The following CCBE1 variants were observed in gnomAD, a reference collection of about 807,000 sequenced individuals.
CCBE1 encodes the protein collagen and calcium-binding EGF domain-containing protein 1.
Under a neutral mutation model 50.0 loss-of-function variants are expected in CCBE1, and 37 were observed. The observed-to-expected ratio is 0.74, with a 90% CI of 0.57 to 0.97. CCBE1 has a LOEUF of 0.97. CCBE1 is among the 50% of genes least tolerant of loss of function. CCBE1 has a pLI of 0.00. For missense variants in CCBE1, 538 were observed against 523.8 expected (o/e 1.03, Z -0.26); for synonymous variants, 234 against 203.7 (o/e 1.15, Z -1.27).
chr18:59,580,341 C>G (rs2564484), intron 2 of CCBE1, among the ~76,000 whole-genome samples: 16,142 of 152,188 alleles, frequency 0.11, 955 homozygotes, highest in African/African-American at 0.16. Flanking sequence ...TTTGAGTTGT[C>G]CTGCCTTTTC....
At chr18:59,637,676 C>T (rs1360595537) in intron 2 of CCBE1, among the ~76,000 whole-genome samples, 1 of 152,118 alleles carries the variant, frequency 6.6e-6, no homozygotes. Flanking sequence ...TCAGATGCAA[C>T]TGATTTAAAA....
intron 3 of CCBE1, among the ~76,000 whole-genome samples, chr18:59,473,783 C>CCT (rs1912165301): frequency 3.3e-4 from 1 of 3,064 alleles, no homozygotes. Context: ...CTATTTCCTC[C>CCT]CCACTACTCA....
intron 2 of CCBE1, among the ~76,000 whole-genome samples, chr18:59,650,436 C>T (rs1357510054): frequency 1.7e-4 from 25 of 151,460 alleles, no homozygotes; most frequent in Non-Finnish European, 1.5e-5. Flanking sequence ...CAGCTTTTCA[C>T]GATCCCATGG....
At chr18:59,519,500 T>C (rs1422210388) in intron 2 of CCBE1, among the ~76,000 whole-genome samples, 1 of 135,768 alleles carries the variant, frequency 7.4e-6, no homozygotes, top group Admixed American at 7.2e-5. Flanking sequence ...TCCAGAGTCT[T>C]TGTTTTAAAA....
At chr18:59,464,161 G>C (rs1240541186) in intron 5 of CCBE1, 1 of 152,264 alleles carries the variant, frequency 6.6e-6, no homozygotes, top group African/African-American at 2.4e-5. Flanking sequence ...GTCAGGGCAT[G>C]GTGGCTCATG....
chr18:59,672,715 TA>T (rs1477952868), intron 2 of CCBE1, among the ~76,000 whole-genome samples: 2 of 152,190 alleles, frequency 1.3e-5, no homozygotes, highest in Non-Finnish European at 2.9e-5. Flanking sequence ...AGCAAGAGAA[TA>T]ATTTTTTTAG....
At chr18:59,524,912 C>G (rs1321631868) in intron 2 of CCBE1, among the ~76,000 whole-genome samples, 2 of 152,178 alleles carry the variant, frequency 1.3e-5, no homozygotes, top group African/African-American at 4.8e-5. Context: ...CATGTCCCTG[C>G]AAACTACATG....
chr18:59,667,748 G>A lies in CCBE1; in HGVS notation c.212+28881C>T, dbSNP rs545745948. ...GTTCATTCCACAGAGTCAGCCTACA[G>A]AACTCAGGACACAAAGCAGGACAGG... is the stretch of plus-strand genomic sequence containing the variant. On this transcript the variant is annotated intron_variant, in intron 2 of 10. Transcript: ENST00000439986. 4.6e-5 allele frequency among the ~76,000 whole-genome samples: 7 copies of A among 152,324 alleles called. No homozygotes were observed. In the South Asian group the frequency reaches 1.5e-3, roughly 32 times the overall value.
At chr18:59,468,850 T>TC (rs199512598) in intron 4 of CCBE1, among the ~76,000 whole-genome samples, 27,484 of 138,906 alleles carry the variant, frequency 0.2, 2,905 homozygotes, top group South Asian at 0.27. Context: ...TTTTTTTTTT[T>TC]TCCCCAAACG....
In CCBE1 at chr18:59,435,633, T is replaced by C. The variant is rs1910114558; in HGVS notation, c.*275A>G. On this transcript the variant is annotated 3_prime_UTR_variant, in exon 11 of 11. Coordinates refer to ENST00000439986, the MANE Select transcript of CCBE1 (RefSeq NM_133459.4). ...CTTAAATCCAAAGTTCCTGGAAAAATAGGATGTAAAAGAAAAGTTACAATG... is the reference window on the plus strand; with the variant it reads ...CTTAAATCCAAAGTTCCTGGAAAAACAGGATGTAAAAGAAAAGTTACAATG... 4.1e-6 allele frequency: 2 copies of C among 485,342 alleles called. No homozygotes were observed. The highest frequency in any genetic ancestry group is 7.4e-6 in the Non-Finnish European group (2 of 268,786). 30.1% of individuals were successfully genotyped at this position (485,342 alleles called of 1,614,324 possible).
chr18:59,585,819 T>C (rs2053171405), intron 2 of CCBE1, among the ~76,000 whole-genome samples: 1 of 152,182 alleles, frequency 6.6e-6, no homozygotes, highest in African/African-American at 2.4e-5. Context: ...CATTTAAAAA[T>C]TGTCACTTAG....
intron 2 of CCBE1, among the ~76,000 whole-genome samples, chr18:59,686,664 T>A (rs1411636145): frequency 6.6e-6 from 1 of 152,240 alleles, no homozygotes; most frequent in East Asian, 1.9e-4. Context: ...ATATCCATTT[T>A]GGATTCAAAG....
intron 2 of CCBE1, among the ~76,000 whole-genome samples, chr18:59,676,760 T>C (rs1055450654): frequency 6.6e-6 from 1 of 152,066 alleles, no homozygotes; most frequent in African/African-American, 2.4e-5. Context: ...CAGATAGGGA[T>C]GGAGGGAAGT....
chr18:59,487,458 T>C (rs1912876801), intron 2 of CCBE1, among the ~76,000 whole-genome samples: 1 of 149,356 alleles, frequency 6.7e-6, no homozygotes, highest in Non-Finnish European at 1.5e-5. Context: ...GAATTCCTTT[T>C]ACACTACATC....
intron 2 of CCBE1, among the ~76,000 whole-genome samples, chr18:59,678,684 C>A (rs2054543316): frequency 6.6e-6 from 1 of 152,022 alleles, no homozygotes; most frequent in South Asian, 2.1e-4. Context: ...AGGTGCCCAC[C>A]ACCACACTCA....
At chr18:59,558,841 T>C (rs1367166458) in intron 2 of CCBE1, among the ~76,000 whole-genome samples, 2 of 152,098 alleles carry the variant, frequency 1.3e-5, no homozygotes, top group Non-Finnish European at 2.9e-5. Flanking sequence ...CAAGACAGGG[T>C]GGACAGTGGG....
At chr18:59,455,222 T>A (rs1012219334) in intron 5 of CCBE1, 1 of 533,664 alleles carries the variant, frequency 1.9e-6, no homozygotes, top group Non-Finnish European at 3.4e-6. Context: ...CTTCCTTTCA[T>A]GTGTGAAAAT....
chr18:59,581,675 T>A (rs1219011373), intron 2 of CCBE1, among the ~76,000 whole-genome samples: 1 of 152,172 alleles, frequency 6.6e-6, no homozygotes, highest in South Asian at 2.1e-4. Context: ...CACTACAGCA[T>A]TGTCTACTTC....
At chr18:59,665,701 C>T (rs557403920) in intron 2 of CCBE1, among the ~76,000 whole-genome samples, 10 of 152,226 alleles carry the variant, frequency 6.6e-5, no homozygotes, top group South Asian at 2.1e-4. Context: ...GCACTGTTTA[C>T]GGCTCCGAGG....
Sources: allele counts gnomAD v4.1 joint callset (sites outside exome capture counted in the v4.1 genomes callset), GRCh38; gene constraint gnomAD v4.1.1; transcripts MANE v1.5; gene names NCBI Gene and HGNC (gene_info 2026-07-23, HGNC 2026-07-21).